Variants in CSMD1 observed in about 807,000 individuals in gnomAD.
CSMD1 encodes CUB and Sushi multiple domains 1.
CSMD1 carries 213 observed loss-of-function variants against 417.5 expected under a neutral mutation model. The ratio of observed to expected loss-of-function variants is 0.51; its 90% confidence interval spans 0.46 to 0.57. The LOEUF (loss-of-function observed/expected upper bound fraction) is 0.57, where lower values mean the gene tolerates loss of function less well. CSMD1 is among the 20% of genes least tolerant of loss of function. The pLI, the probability that CSMD1 is intolerant of heterozygous loss-of-function variation, is 0.00. For synonymous variants in CSMD1, 2,862 were observed against 1,736.8 expected (o/e 1.65, Z -16.11); for missense variants, 6,923 against 4,529.7 (o/e 1.53, Z -15.17).
chr8:4,582,828 G>A (rs1343136464), intron 2 of CSMD1, among the ~76,000 whole-genome samples: 3 of 152,230 alleles, frequency 2.0e-5, no homozygotes, highest in Non-Finnish European at 1.5e-5. Flanking sequence ...AGGTGTGGAG[G>A]GAGAGGCGCG....
intron 2 of CSMD1, among the ~76,000 whole-genome samples, chr8:4,466,386 T>C (rs1336506965): frequency 6.6e-6 from 1 of 151,266 alleles, no homozygotes; most frequent in Non-Finnish European, 1.5e-5. Flanking sequence ...TATCGGGGAG[T>C]TGAAGAAAAA....
Position 3,609,672 on chromosome 8 carries a change from G to A in CSMD1, c.1097+7038C>T, listed in dbSNP as rs115345271. Among the ~76,000 whole-genome samples, 251 of 151,482 alleles carry A rather than the reference G, an allele frequency of 1.7e-3. 2 individuals are homozygous for A. Among genetic ancestry groups the A allele is most frequent in the African/African-American group, 5.7e-3 (236 of 41,310 alleles). On this transcript the variant is annotated intron_variant, in intron 8 of 69. Coordinates refer to ENST00000635120, the MANE Select transcript of CSMD1 (RefSeq NM_033225.6). ...CTACACTGCAAATGAGCTCATCTAC[G>A]CATCTTGGCCTTGTTGGTTGTTAGT...
intron 2 of CSMD1, among the ~76,000 whole-genome samples, chr8:4,582,110 C>T (rs1033364914): frequency 6.6e-6 from 1 of 151,600 alleles, no homozygotes; most frequent in Non-Finnish European, 1.5e-5. Flanking sequence ...ATTATCTGAA[C>T]TGATGAGCTT....
At chr8:4,764,315 A>G (rs1354934410) in intron 1 of CSMD1, among the ~76,000 whole-genome samples, 1 of 152,188 alleles carries the variant, frequency 6.6e-6, no homozygotes, top group Non-Finnish European at 1.5e-5. Flanking sequence ...CATATAGTAG[A>G]GCAAAATGTA....
intron 12 of CSMD1, among the ~76,000 whole-genome samples, chr8:3,416,423 G>T (rs1328337468): frequency 6.6e-6 from 1 of 151,936 alleles, no homozygotes; most frequent in Admixed American, 6.6e-5. Flanking sequence ...GAACTCTGAA[G>T]GTAGAAATAA....
intron 3 of CSMD1, among the ~76,000 whole-genome samples, chr8:4,152,516 G>A (rs78117998): frequency 9.2e-5 from 11 of 118,950 alleles, no homozygotes; most frequent in Middle Eastern, 7.4e-3. Context: ...TGTCTCTACA[G>A]AGAGTACCAA....
At chr8:3,767,910 C>T (rs1471082187) in intron 5 of CSMD1, among the ~76,000 whole-genome samples, 1 of 152,148 alleles carries the variant, frequency 6.6e-6, no homozygotes, top group African/African-American at 2.4e-5. Flanking sequence ...AGTTTCCCAA[C>T]TTCTTAGCTT....
chr8:4,962,111 GTTGT>G (rs1265579749), intron 1 of CSMD1, among the ~76,000 whole-genome samples: 99 of 66,208 alleles, frequency 1.5e-3, no homozygotes, highest in Middle Eastern at 0.011. Flanking sequence ...GTATTTTTTT[GTTGT>G]TTTTTTTTTG....
chr8:3,779,072 C>G (rs1407765472), intron 5 of CSMD1, among the ~76,000 whole-genome samples: 1 of 152,026 alleles, frequency 6.6e-6, no homozygotes, highest in Admixed American at 6.5e-5. Context: ...CTGTTCTCCT[C>G]TAAATGGAAT....
At position 3,850,382 on chromosome 8, in the gene CSMD1, C is replaced by T. The variant is rs1052749583; in HGVS notation, c.819-96340G>A. Among the ~76,000 whole-genome samples the T allele has an allele frequency of 3.9e-5, 6 of 152,176 alleles. No homozygotes were observed. The East Asian group carries it at 1.2e-3, about 29-fold the overall frequency. ...TTTCTCTTTGTCCTGTAAGCACTGA[C>T]ACTGAATTCAACTCCTCAAAATTCG... On this transcript the variant is annotated intron_variant, in intron 5 of 69. Coordinates refer to ENST00000635120, the MANE Select transcript of CSMD1 (RefSeq NM_033225.6).
chr8:3,893,422 A>G (rs1807134249), intron 5 of CSMD1, among the ~76,000 whole-genome samples: 1 of 144,504 alleles, frequency 6.9e-6, no homozygotes, highest in Non-Finnish European at 1.5e-5. Flanking sequence ...CAAAATCTGG[A>G]TCAACTCCTG....
chr8:4,571,761 T>G (rs2130658002), intron 2 of CSMD1, among the ~76,000 whole-genome samples: 1 of 152,310 alleles, frequency 6.6e-6, no homozygotes, highest in Non-Finnish European at 1.5e-5. Flanking sequence ...TGTGGGAGTC[T>G]AAGTCTCTTT....
rs371368861 is a variant in CSMD1, at chr8:3,000,098, T to C, written c.8063A>G (p.Asn2688Ser). The C allele has an allele frequency of 3.2e-6, 5 of 1,575,100 alleles. No individual in the cohort carries two copies. The change falls in exon 53 of 70, where the codon AAC becomes AGC. Residue 2688 changes from asparagine (N) to serine (S), a missense_variant. Asn to Ser is a conservative substitution (Grantham distance 46, BLOSUM62 1). Coordinates refer to ENST00000635120, the MANE Select transcript of CSMD1 (RefSeq NM_033225.6). ...GHCGSPDPIV[N>S]GHISGDGFSY... Reference sequence around the variant, plus strand: ...GAAGCCATCTCCACTAATGTGACCGTTCACAATCGGGTCTGGGGAACCGCA... The same window carrying C: ...GAAGCCATCTCCACTAATGTGACCGCTCACAATCGGGTCTGGGGAACCGCA...
chr8:4,661,000 C>G (rs1375854747), intron 1 of CSMD1, among the ~76,000 whole-genome samples: 3 of 152,096 alleles, frequency 2.0e-5, no homozygotes, highest in Non-Finnish European at 4.4e-5. Context: ...GAAAATGGAT[C>G]ATACATACAT....
chr8:4,442,683 G>C (rs1339598948), intron 2 of CSMD1, among the ~76,000 whole-genome samples: 1 of 152,150 alleles, frequency 6.6e-6, no homozygotes, highest in Non-Finnish European at 1.5e-5. Flanking sequence ...CTTATTCAAT[G>C]TCTCCGAAAA....
chr8:3,216,468 T>C lies in CSMD1; in HGVS notation c.4673-1777A>G, dbSNP rs142201564. Among the ~76,000 whole-genome samples the C allele has an allele frequency of 4.3e-3, 648 of 152,328 alleles. 8 individuals carry two copies. Among genetic ancestry groups the C allele is most frequent in the African/African-American group, 0.015 (608 of 41,584 alleles). On this transcript the variant is annotated intron_variant, in intron 29 of 69. Coordinates refer to ENST00000635120, the MANE Select transcript of CSMD1 (RefSeq NM_033225.6). ...ATGTCTGTTGCTCTTGTGTCCTTTT[T>C]GATCATTTTTTTGTTATAAATCTCT...
intron 18 of CSMD1, among the ~76,000 whole-genome samples, chr8:3,379,853 C>G (rs1299966289): frequency 1.3e-5 from 2 of 152,120 alleles, no homozygotes; most frequent in African/African-American, 4.8e-5. Flanking sequence ...GACTTCATGA[C>G]TAAAACACCA....
At chr8:4,764,408 C>A (rs1008855744) in intron 1 of CSMD1, among the ~76,000 whole-genome samples, 8 of 152,100 alleles carry the variant, frequency 5.3e-5, no homozygotes, top group African/African-American at 1.2e-4. Context: ...TACTTTTTTA[C>A]AATTTTATCA....
chr8:4,028,912 C>G (rs371702558), intron 4 of CSMD1, among the ~76,000 whole-genome samples: 1 of 152,106 alleles, frequency 6.6e-6, no homozygotes, highest in Non-Finnish European at 1.5e-5. Flanking sequence ...ATGCTCTTTT[C>G]TAAAGTCATT....
Sources: gnomAD v4.1 joint callset for allele counts (sites outside exome capture counted in the v4.1 genomes callset) on GRCh38, gnomAD v4.1.1 for gene constraint, MANE v1.5 for transcripts, NCBI Gene and HGNC (gene_info 2026-07-23, HGNC 2026-07-21) for gene names.